The following INPP4B variants were observed in gnomAD, a reference collection of about 807,000 sequenced individuals.
INPP4B encodes the protein inositol polyphosphate 4-phosphatase type II.
A neutral mutation model predicts 122.5 loss-of-function variants in INPP4B; 55 were observed. The observed-to-expected ratio is 0.45, with a 90% CI of 0.36 to 0.56. The LOEUF (loss-of-function observed/expected upper bound fraction) is 0.56. INPP4B is among the 20% of genes least tolerant of loss of function. The pLI, the probability that INPP4B is intolerant of heterozygous loss-of-function variation, is 0.00. For synonymous variants in INPP4B, 403 were observed against 388.7 expected (o/e 1.04, Z -0.43); for missense variants, 1,000 against 1,097.7 (o/e 0.91, Z 1.26).
intron 2 of INPP4B, among the ~76,000 whole-genome samples, chr4:142,637,479 T>C (rs1749428230): frequency 6.6e-6 from 1 of 152,206 alleles, no homozygotes; most frequent in African/African-American, 2.4e-5. Context: ...ATTATTTCAT[T>C]TAATAATATG....
At chr4:142,844,250 T>C (rs565110248) in intron 1 of INPP4B, among the ~76,000 whole-genome samples, 5 of 152,346 alleles carry the variant, frequency 3.3e-5, no homozygotes, top group Admixed American at 3.3e-4. Context: ...ATTTGAGTTA[T>C]AAATATGCAC....
At chr4:142,374,502 G>A (rs1012726772) in intron 7 of INPP4B, among the ~76,000 whole-genome samples, 44 of 151,730 alleles carry the variant, frequency 2.9e-4, no homozygotes, top group Non-Finnish European at 5.3e-4. Flanking sequence ...AGATGGTATG[G>A]GAAACAGCAT....
At chr4:142,126,335 A>G (rs1798604250) in intron 18 of INPP4B, among the ~76,000 whole-genome samples, 1 of 152,130 alleles carries the variant, frequency 6.6e-6, no homozygotes, top group Non-Finnish European at 1.5e-5. Context: ...TAAGACCTTG[A>G]AAGAGTGACA....
At chr4:142,467,090 T>C (rs1235536698) in intron 2 of INPP4B, among the ~76,000 whole-genome samples, 6 of 152,204 alleles carry the variant, frequency 3.9e-5, no homozygotes, top group African/African-American at 9.6e-5. Context: ...GAAACTTTAC[T>C]AGGGCAATGC....
At chr4:142,569,821 A>C (rs189551135) in intron 2 of INPP4B, among the ~76,000 whole-genome samples, 2 of 152,140 alleles carry the variant, frequency 1.3e-5, no homozygotes, top group Non-Finnish European at 2.9e-5. Flanking sequence ...TCCTCTTACC[A>C]CTGACAAAGA....
chr4:142,120,495 T>C (rs575728381), intron 21 of INPP4B, among the ~76,000 whole-genome samples: 2 of 152,218 alleles, frequency 1.3e-5, no homozygotes, highest in East Asian at 3.9e-4. Flanking sequence ...TCCTATTAAT[T>C]TCTCTCAGCA....
At chr4:142,479,424 C>A (rs1461508874) in intron 2 of INPP4B, among the ~76,000 whole-genome samples, 1 of 152,050 alleles carries the variant, frequency 6.6e-6, no homozygotes, top group African/African-American at 2.4e-5. Flanking sequence ...GAACCTGAAA[C>A]AGAAGTAACA....
At chr4:142,625,859 C>T (rs1157021243) in intron 2 of INPP4B, among the ~76,000 whole-genome samples, 7 of 152,166 alleles carry the variant, frequency 4.6e-5, no homozygotes, top group East Asian at 1.9e-4. Context: ...CTTTGACAAA[C>T]CTGACAAAAA....
chr4:142,594,967 A>C (rs920698789), intron 2 of INPP4B, among the ~76,000 whole-genome samples: 2 of 151,296 alleles, frequency 1.3e-5, no homozygotes, highest in Non-Finnish European at 3.0e-5. Context: ...AAAAAAAAAA[A>C]AAAAAAAAAA....
intron 3 of INPP4B, among the ~76,000 whole-genome samples, chr4:142,446,496 A>G (rs1812941360): frequency 6.6e-6 from 1 of 152,184 alleles, no homozygotes; most frequent in Non-Finnish European, 1.5e-5. Context: ...AGTAAAGTTA[A>G]AAAGTAATTT....
At chr4:142,556,996 C>T (rs897485491) in intron 2 of INPP4B, among the ~76,000 whole-genome samples, 30 of 151,998 alleles carry the variant, frequency 2.0e-4, no homozygotes, top group African/African-American at 7.0e-4. Context: ...TCAAAGCTGC[C>T]CTGTCGTGAC....
At chr4:142,250,872 A>G (rs1476530518) in intron 11 of INPP4B, among the ~76,000 whole-genome samples, 1 of 152,224 alleles carries the variant, frequency 6.6e-6, no homozygotes, top group African/African-American at 2.4e-5. Flanking sequence ...CATAAAAGGA[A>G]AAAAGCAATA....
chr4:142,841,748 T>A (rs113151110), intron 1 of INPP4B, among the ~76,000 whole-genome samples: 121 of 151,942 alleles, frequency 8.0e-4, no homozygotes, highest in Non-Finnish European at 1.2e-3. Context: ...ATGAAAATTT[T>A]TAAAAATCAT....
intron 7 of INPP4B, among the ~76,000 whole-genome samples, chr4:142,342,369 T>A (rs1275872136): frequency 6.6e-6 from 1 of 152,134 alleles, no homozygotes; most frequent in Non-Finnish European, 1.5e-5. Flanking sequence ...TTGACACAAT[T>A]TAATTTTACT....
intron 12 of INPP4B, among the ~76,000 whole-genome samples, chr4:142,220,332 G>A (rs1188893268): frequency 6.6e-6 from 1 of 152,126 alleles, no homozygotes; most frequent in Non-Finnish European, 1.5e-5. Flanking sequence ...TATTTTCTTT[G>A]AATATGCATT....
At chr4:142,759,425 A>G (rs1295479459) in intron 1 of INPP4B, among the ~76,000 whole-genome samples, 1 of 152,116 alleles carries the variant, frequency 6.6e-6, no homozygotes, top group Non-Finnish European at 1.5e-5. Flanking sequence ...CCCAAACTCT[A>G]TTAGAGAACT....
At chr4:142,133,970 A>G (rs1165429195) in intron 18 of INPP4B, among the ~76,000 whole-genome samples, 1 of 152,080 alleles carries the variant, frequency 6.6e-6, no homozygotes, top group Non-Finnish European at 1.5e-5. Flanking sequence ...TTTTTTCTAC[A>G]GCCTCTGTCA....
intron 1 of INPP4B, among the ~76,000 whole-genome samples, chr4:142,806,969 C>T (rs1012238913): frequency 3.3e-5 from 5 of 152,184 alleles, no homozygotes; most frequent in African/African-American, 1.2e-4. Flanking sequence ...CTCATCATGT[C>T]TGCCCCTCAA....
At chr4:142,373,519 T>A (rs1398871935) in intron 7 of INPP4B, among the ~76,000 whole-genome samples, 1 of 152,028 alleles carries the variant, frequency 6.6e-6, no homozygotes, top group Non-Finnish European at 1.5e-5. Context: ...AATCCAGTTC[T>A]ACTTCATAGA....
Sources: allele counts gnomAD v4.1 joint callset (sites outside exome capture counted in the v4.1 genomes callset), GRCh38; gene constraint gnomAD v4.1.1; transcripts MANE v1.5; gene names NCBI Gene and HGNC (gene_info 2026-07-23, HGNC 2026-07-21).